MBD5: variants seen among roughly 807,000 people sequenced by gnomAD.
MBD5 encodes the protein methyl-CpG binding domain protein 5.
MBD5 carries 13 observed loss-of-function variants against 117.3 expected under a neutral mutation model. That is an observed-to-expected ratio of 0.11 (90% CI 0.07 to 0.18). The LOEUF (loss-of-function observed/expected upper bound fraction) is 0.18, where lower values mean the gene tolerates loss of function less well. MBD5 is among the 10% of genes least tolerant of loss of function. The pLI is 1.00. For synonymous variants in MBD5, 727 were observed against 766.4 expected (o/e 0.95, Z 0.85); for missense variants, 1,879 against 2,093.8 (o/e 0.90, Z 2.00).
chr2:148,354,450 A>C (rs1221385061), intron 4 of MBD5, among the ~76,000 whole-genome samples: 13 of 152,012 alleles, frequency 8.6e-5, no homozygotes. Context: ...TGAACTCATC[A>C]TTTTTTATGG....
chr2:148,226,020 A>G (rs1430684557), intron 2 of MBD5, among the ~76,000 whole-genome samples: 1 of 151,830 alleles, frequency 6.6e-6, no homozygotes, highest in Non-Finnish European at 1.5e-5. Context: ...CTCTGTTGCT[A>G]TTCATTTGAG....
intron 1 of MBD5, among the ~76,000 whole-genome samples, chr2:148,100,911 GGATT>G (rs56094535): frequency 0.31 from 46,418 of 151,558 alleles, 8,188 homozygotes; most frequent in East Asian, 0.46. Context: ...ATGTGGGATA[GGATT>G]GATTGATTGA....
At chr2:148,141,458 C>G (rs181649503) in intron 1 of MBD5, among the ~76,000 whole-genome samples, 1 of 152,010 alleles carries the variant, frequency 6.6e-6, no homozygotes, top group Non-Finnish European at 1.5e-5. Flanking sequence ...CAACAGTAGT[C>G]TAATAATTGA....
chr2:148,312,961 G>A (rs534456226), intron 3 of MBD5, among the ~76,000 whole-genome samples: 5 of 152,250 alleles, frequency 3.3e-5, no homozygotes, highest in African/African-American at 9.6e-5. Flanking sequence ...ACCCTGTTTC[G>A]CTGGGTATCA....
chr2:148,118,299 AGTC>A, intron 1 of MBD5, among the ~76,000 whole-genome samples: 1 of 152,186 alleles, frequency 6.6e-6, no homozygotes, highest in Non-Finnish European at 1.5e-5. Context: ...TATTGCTGTA[AGTC>A]AATTATGTTA....
At chr2:148,266,610 T>A (rs1574216390) in intron 3 of MBD5, among the ~76,000 whole-genome samples, 1 of 152,078 alleles carries the variant, frequency 6.6e-6, no homozygotes, top group African/African-American at 2.4e-5. Context: ...ATGTTACTAT[T>A]ACCTATATAG....
intron 4 of MBD5, among the ~76,000 whole-genome samples, chr2:148,411,532 T>TG (rs1705249394): frequency 6.7e-6 from 1 of 149,110 alleles, no homozygotes; most frequent in Non-Finnish European, 1.5e-5. Flanking sequence ...TTTTTTTTTT[T>TG]TTGTAGTAAT....
intron 2 of MBD5, among the ~76,000 whole-genome samples, chr2:148,184,285 T>C (rs1348894705): frequency 1.3e-5 from 2 of 152,184 alleles, no homozygotes; most frequent in African/African-American, 4.8e-5. Flanking sequence ...AGTGCTGGGA[T>C]TGTAGGTGTG....
chr2:148,426,498 C>T (rs1705791882), intron 4 of MBD5, among the ~76,000 whole-genome samples: 2 of 152,028 alleles, frequency 1.3e-5, no homozygotes, highest in African/African-American at 4.8e-5. Context: ...AATAATGCCA[C>T]ATATCTACAA....
chr2:148,479,772 T>G (rs564281582), intron 8 of MBD5, among the ~76,000 whole-genome samples: 1 of 151,292 alleles, frequency 6.6e-6, no homozygotes, highest in East Asian at 2.0e-4. Flanking sequence ...TTATATTTCC[T>G]TTTCATCTCT....
At chr2:148,049,292 T>G (rs1239486341) in intron 1 of MBD5, among the ~76,000 whole-genome samples, 1 of 152,210 alleles carries the variant, frequency 6.6e-6, no homozygotes, top group Non-Finnish European at 1.5e-5. Context: ...TTCTTCACTT[T>G]GCTTTGAACC....
At chr2:148,315,313 C>T (rs1252648388) in intron 3 of MBD5, among the ~76,000 whole-genome samples, 1 of 152,178 alleles carries the variant, frequency 6.6e-6, no homozygotes, top group African/African-American at 2.4e-5. Context: ...TAGCTGAAAG[C>T]ACCTCACCAC....
At chr2:148,188,900 G>A (rs926196794) in intron 2 of MBD5, among the ~76,000 whole-genome samples, 28 of 151,650 alleles carry the variant, frequency 1.8e-4, no homozygotes, top group African/African-American at 6.1e-4. Flanking sequence ...GTGTGTGTGC[G>A]CACCGTGCGC....
intron 1 of MBD5, among the ~76,000 whole-genome samples, chr2:148,141,554 A>G (rs1263689114): frequency 6.6e-6 from 1 of 152,236 alleles, no homozygotes; most frequent in East Asian, 1.9e-4. Flanking sequence ...TCAGAAAATT[A>G]AAATGCAATA....
chr2:148,501,803 G>A (rs768192672), intron 11 of MBD5, among the ~76,000 whole-genome samples: 8 of 152,260 alleles, frequency 5.3e-5, no homozygotes, highest in South Asian at 2.1e-4. Flanking sequence ...CTCTTCTCAC[G>A]TTTTATGGCC....
At chr2:148,503,623 C>T (rs1429774323) in intron 12 of MBD5, among the ~76,000 whole-genome samples, 3 of 152,168 alleles carry the variant, frequency 2.0e-5, no homozygotes, top group Non-Finnish European at 4.4e-5. Context: ...GGGCAAACTC[C>T]TATGTCTCTA....
At chr2:148,254,978 CTCCAGCCATG>C (rs1345814628) in intron 3 of MBD5, among the ~76,000 whole-genome samples, 3 of 152,180 alleles carry the variant, frequency 2.0e-5, no homozygotes, top group Non-Finnish European at 2.9e-5. Context: ...AACCCCAAGT[CTCCAGCCATG>C]TCCAGTTCTC....
intron 3 of MBD5, among the ~76,000 whole-genome samples, chr2:148,324,986 C>G (rs1702403545): frequency 6.6e-6 from 1 of 152,078 alleles, no homozygotes. Context: ...ATAGATAGCT[C>G]TTTTTATTTT....
At chr2:148,126,967 T>A (rs1204772808) in intron 1 of MBD5, among the ~76,000 whole-genome samples, 1 of 147,290 alleles carries the variant, frequency 6.8e-6, no homozygotes, top group Non-Finnish European at 1.5e-5. Context: ...TTCTTCAGCT[T>A]TTTTTCTTTC....
Sources: gnomAD v4.1 joint callset for allele counts (sites outside exome capture counted in the v4.1 genomes callset) on GRCh38, gnomAD v4.1.1 for gene constraint, MANE v1.5 for transcripts, NCBI Gene and HGNC (gene_info 2026-07-23, HGNC 2026-07-21) for gene names.